CLSTN2: variants seen among roughly 807,000 people sequenced by gnomAD.
CLSTN2 encodes the protein calsyntenin 2.
Under a neutral mutation model 101.2 loss-of-function variants are expected in CLSTN2, and 48 were observed. That is an observed-to-expected ratio of 0.47 (90% CI 0.38 to 0.60). CLSTN2 has a LOEUF of 0.60. Ranked by LOEUF, CLSTN2 falls within the 20% of genes least tolerant of loss-of-function variation. The pLI is 0.00. For synonymous variants in CLSTN2, 481 were observed against 463.6 expected, an observed-to-expected ratio of 1.04 and a Z score of -0.48; for missense variants, 1,160 against 1,238.2, an observed-to-expected ratio of 0.94 and a Z score of 0.95.
At chr3:140,236,386 C>T (rs1311972721) in intron 2 of CLSTN2, among the ~76,000 whole-genome samples, 1 of 151,976 alleles carries the variant, frequency 6.6e-6, no homozygotes, top group African/African-American at 2.4e-5. Flanking sequence ...GTGTAATTTG[C>T]CTTTTTATGG....
At chr3:140,143,357 G>A (rs12629555) in intron 1 of CLSTN2, among the ~76,000 whole-genome samples, 29,121 of 152,036 alleles carry the variant, frequency 0.19, 3,726 homozygotes, top group East Asian at 0.6. Context: ...CGAGGGGTCC[G>A]GGGTCTAAGG....
At chr3:139,984,443 G>T (rs565671070) in intron 1 of CLSTN2, among the ~76,000 whole-genome samples, 1 of 152,290 alleles carries the variant, frequency 6.6e-6, no homozygotes, top group African/African-American at 2.4e-5. Context: ...GACATTGACA[G>T]GGTCCTGTTC....
chr3:140,375,433 G>A (rs558769240), intron 2 of CLSTN2, among the ~76,000 whole-genome samples: 2 of 152,214 alleles, frequency 1.3e-5, no homozygotes, highest in Non-Finnish European at 2.9e-5. Context: ...GGCCATGACA[G>A]TTTTTATTCA....
intron 1 of CLSTN2, among the ~76,000 whole-genome samples, chr3:140,125,412 A>C (rs2009413881): frequency 6.6e-6 from 1 of 152,094 alleles, no homozygotes; most frequent in South Asian, 2.1e-4. Flanking sequence ...CCGGGTGGGC[A>C]TGGGGAGGAG....
At position 140,291,507 on chromosome 3, in the gene CLSTN2, C is replaced by T. The variant is rs117650496; in HGVS notation, c.233-112122C>T. ...TGTGATTCCATTGTCTCTTGAACTT[C>T]CTTCTCAGTTGTCTTTGCTGCCTCC... is the stretch of plus-strand genomic sequence containing the variant. On this transcript the variant is annotated intron_variant, in intron 2 of 16. Coordinates refer to ENST00000458420, the MANE Select transcript of CLSTN2 (RefSeq NM_022131.3). Among the ~76,000 whole-genome samples the T allele has an allele frequency of 3.8e-4, 58 of 152,142 alleles. 1 individual carries two copies. The East Asian group carries it at 0.01, about 27-fold the overall frequency.
chr3:140,369,917 T>C (rs2087832691), intron 2 of CLSTN2, among the ~76,000 whole-genome samples: 1 of 152,250 alleles, frequency 6.6e-6, no homozygotes, highest in Admixed American at 6.5e-5. Flanking sequence ...ATGTTATAGA[T>C]GTGTACTGTA....
chr3:140,028,615 G>A (rs1323749088), intron 1 of CLSTN2, among the ~76,000 whole-genome samples: 1 of 152,202 alleles, frequency 6.6e-6, no homozygotes, highest in African/African-American at 2.4e-5. Context: ...TGAAAGAATT[G>A]CAAGAATGGG....
chr3:140,546,079 A>G (rs1200405252), intron 9 of CLSTN2, among the ~76,000 whole-genome samples: 2 of 152,130 alleles, frequency 1.3e-5, no homozygotes, highest in African/African-American at 2.4e-5. Flanking sequence ...TGGGGCAACT[A>G]CCTTAATGTT....
At chr3:140,048,890 C>T (rs1359838197) in intron 1 of CLSTN2, among the ~76,000 whole-genome samples, 1 of 152,222 alleles carries the variant, frequency 6.6e-6, no homozygotes, top group Non-Finnish European at 1.5e-5. Flanking sequence ...CTCTCCCAGA[C>T]TCTCACTTCC....
At chr3:139,968,387 C>A (rs1935639330) in intron 1 of CLSTN2, among the ~76,000 whole-genome samples, 1 of 152,186 alleles carries the variant, frequency 6.6e-6, no homozygotes, top group African/African-American at 2.4e-5. Context: ...ACATGATGAT[C>A]CTCATGGCTA....
intron 2 of CLSTN2, among the ~76,000 whole-genome samples, chr3:140,236,134 C>G (rs959191556): frequency 6.6e-6 from 1 of 152,106 alleles, no homozygotes; most frequent in Admixed American, 6.6e-5. Context: ...TATCTTGTAT[C>G]CCTTGGGAAA....
intron 8 of CLSTN2, among the ~76,000 whole-genome samples, chr3:140,530,676 C>T (rs1378577683): frequency 6.6e-6 from 1 of 152,222 alleles, no homozygotes; most frequent in Non-Finnish European, 1.5e-5. Flanking sequence ...ATTCAACATG[C>T]CAGTCACACA....
At chr3:140,336,447 T>C (rs974236866) in intron 2 of CLSTN2, among the ~76,000 whole-genome samples, 5 of 152,202 alleles carry the variant, frequency 3.3e-5, no homozygotes, top group African/African-American at 1.2e-4. Context: ...TGAAGGATCT[T>C]GAGCACCCTT....
At chr3:140,056,060 G>C (rs2008090719) in intron 1 of CLSTN2, among the ~76,000 whole-genome samples, 1 of 152,138 alleles carries the variant, frequency 6.6e-6, no homozygotes. Flanking sequence ...TGGGAGAGGG[G>C]GCCTACTCTG....
At chr3:140,175,105 C>T (rs561041232) in intron 1 of CLSTN2, among the ~76,000 whole-genome samples, 13 of 152,192 alleles carry the variant, frequency 8.5e-5, no homozygotes, top group South Asian at 6.2e-4. Context: ...ATATCGGATG[C>T]GGAACCACCC....
At chr3:140,245,706 C>G (rs909035347) in intron 2 of CLSTN2, among the ~76,000 whole-genome samples, 2 of 152,158 alleles carry the variant, frequency 1.3e-5, no homozygotes, top group Non-Finnish European at 2.9e-5. Flanking sequence ...TTGAGAATGT[C>G]CTAGATCACA....
At position 140,349,603 on chromosome 3, in the gene CLSTN2, A is replaced by T. The variant is rs1406499325; in HGVS notation, c.233-54026A>T. On this transcript the variant is annotated intron_variant, in intron 2 of 16. Transcript: ENST00000458420. ...TGGCTGCAGTATTGGGTGTGGTATG[A>T]GGGGGTGGGAATCGCCAGATCTAAA... Among the ~76,000 whole-genome samples the T allele has an allele frequency of 3.9e-5, 6 of 152,134 alleles. No individual in the cohort carries two copies. In the South Asian group the frequency reaches 8.3e-4, roughly 21 times the overall value.
chr3:140,042,937 G>T (rs1300470203), intron 1 of CLSTN2, among the ~76,000 whole-genome samples: 3 of 152,256 alleles, frequency 2.0e-5, no homozygotes, highest in Admixed American at 2.0e-4. Flanking sequence ...TGGACATTTG[G>T]GTTGGTTCCA....
chr3:140,237,016 C>CTTATCATGAGTCATGTTTT (rs2086424510), intron 2 of CLSTN2, among the ~76,000 whole-genome samples: 1 of 151,984 alleles, frequency 6.6e-6, no homozygotes, highest in Admixed American at 6.6e-5. Flanking sequence ...ATCTCTTCTC[C>CTTATCATGAGTCATGTTTT]TTATCATGAG....
Sources: allele counts gnomAD v4.1 joint callset (sites outside exome capture counted in the v4.1 genomes callset), GRCh38; gene constraint gnomAD v4.1.1; transcripts MANE v1.5; gene names NCBI Gene and HGNC (gene_info 2026-07-23, HGNC 2026-07-21).